The following SLC35F1 variants were observed in gnomAD, a reference collection of about 807,000 sequenced individuals.
The protein encoded by SLC35F1 is solute carrier family 35 member F1, also known as chromosome 6 open reading frame 169.
A neutral mutation model predicts 48.7 loss-of-function variants in SLC35F1; 14 were observed. That is an observed-to-expected ratio of 0.29 (90% CI 0.19 to 0.45). The LOEUF (loss-of-function observed/expected upper bound fraction) is 0.45, where lower values mean the gene tolerates loss of function less well. SLC35F1 is among the 20% of genes least tolerant of loss of function. The pLI is 1.00. For synonymous variants in SLC35F1, 190 were observed against 202.2 expected (o/e 0.94, Z 0.51); for missense variants, 404 against 500.0 (o/e 0.81, Z 1.83).
intron 2 of SLC35F1, among the ~76,000 whole-genome samples, chr6:118,195,674 C>A (rs577359759): frequency 2.6e-5 from 4 of 152,198 alleles, no homozygotes; most frequent in Non-Finnish European, 5.9e-5. Context: ...GGATCCAAGA[C>A]AGTTAATTAC....
chr6:117,918,889 A>T (rs1775861359), intron 1 of SLC35F1, among the ~76,000 whole-genome samples: 1 of 151,866 alleles, frequency 6.6e-6, no homozygotes, highest in African/African-American at 2.4e-5. Context: ...GAATTAAGAT[A>T]ATTTTAAAAT....
chr6:118,262,458 T>C (rs533472299), intron 3 of SLC35F1, among the ~76,000 whole-genome samples: 3 of 152,308 alleles, frequency 2.0e-5, no homozygotes, highest in Non-Finnish European at 2.9e-5. Flanking sequence ...CCTGTACATA[T>C]ACATATTTTT....
chr6:117,995,046 T>C (rs955920267), intron 1 of SLC35F1, among the ~76,000 whole-genome samples: 2 of 152,232 alleles, frequency 1.3e-5, no homozygotes, highest in African/African-American at 4.8e-5. Context: ...TCAACTAATG[T>C]AGGAATCTCC....
intron 1 of SLC35F1, among the ~76,000 whole-genome samples, chr6:118,031,551 C>T (rs1029279527): frequency 6.6e-6 from 1 of 152,134 alleles, no homozygotes; most frequent in Non-Finnish European, 1.5e-5. Context: ...AGGGGAGCCC[C>T]AAAGTGGGGC....
At chr6:118,285,395 T>C (rs1776037233) in intron 7 of SLC35F1, 57 bp downstream of exon 7, 1 of 1,588,590 alleles carries the variant, frequency 6.3e-7, no homozygotes, top group African/African-American at 1.3e-5. Context: ...ACAATGAACA[T>C]GGGTAGGAAT....
At chr6:118,069,724 T>C (rs1772670506) in intron 1 of SLC35F1, among the ~76,000 whole-genome samples, 1 of 152,230 alleles carries the variant, frequency 6.6e-6, no homozygotes, top group South Asian at 2.1e-4. Flanking sequence ...TTCTGAATGA[T>C]TGAAAAATGG....
intron 2 of SLC35F1, among the ~76,000 whole-genome samples, chr6:118,197,963 T>C (rs1468191328): frequency 6.6e-6 from 1 of 152,204 alleles, no homozygotes; most frequent in Non-Finnish European, 1.5e-5. Flanking sequence ...TTTGCAGTTA[T>C]GAAAAATTTA....
chr6:117,978,295 C>G (rs1776729890), intron 1 of SLC35F1, among the ~76,000 whole-genome samples: 1 of 151,950 alleles, frequency 6.6e-6, no homozygotes, highest in Non-Finnish European at 1.5e-5. Flanking sequence ...CTCCCCTGGC[C>G]CCCACCCTCT....
intron 7 of SLC35F1, among the ~76,000 whole-genome samples, chr6:118,309,675 T>A (rs1776351669): frequency 1.3e-5 from 2 of 152,228 alleles, no homozygotes. Context: ...CTTGTATAGA[T>A]TTAAGTCCAT....
intron 2 of SLC35F1, among the ~76,000 whole-genome samples, chr6:118,205,791 T>C (rs1015243178): frequency 1.3e-4 from 20 of 152,228 alleles, no homozygotes; most frequent in African/African-American, 4.3e-4. Context: ...TATTATGGAA[T>C]ATTATTCAGC....
At chr6:118,298,900 C>T (rs984500053) in intron 7 of SLC35F1, among the ~76,000 whole-genome samples, 1 of 152,166 alleles carries the variant, frequency 6.6e-6, no homozygotes, top group African/African-American at 2.4e-5. Flanking sequence ...TTGTGCTGGG[C>T]ATGGTGGCTC....
At chr6:117,964,369 C>T (rs1429883870) in intron 1 of SLC35F1, among the ~76,000 whole-genome samples, 2 of 152,196 alleles carry the variant, frequency 1.3e-5, no homozygotes, top group African/African-American at 2.4e-5. Context: ...ACTCTCACAT[C>T]CAATTTAAAA....
At chr6:118,070,580 C>T (rs1467671280) in intron 1 of SLC35F1, among the ~76,000 whole-genome samples, 1 of 151,806 alleles carries the variant, frequency 6.6e-6, no homozygotes, top group African/African-American at 2.4e-5. Context: ...CCTATTGCAC[C>T]ACATCCTACC....
chr6:118,139,434 A>G (rs1383872693), intron 1 of SLC35F1, among the ~76,000 whole-genome samples: 1 of 152,134 alleles, frequency 6.6e-6, no homozygotes, highest in East Asian at 1.9e-4. Flanking sequence ...TTCTTTATGG[A>G]TAGTTCAAAA....
chr6:118,137,975 C>T (rs1562301569), intron 1 of SLC35F1, among the ~76,000 whole-genome samples: 3 of 152,102 alleles, frequency 2.0e-5, no homozygotes, highest in Non-Finnish European at 4.4e-5. Flanking sequence ...CCCTCAGTTT[C>T]CCTGCCTAAT....
At chr6:118,245,390 G>A (rs1433557623) in intron 3 of SLC35F1, among the ~76,000 whole-genome samples, 1 of 152,158 alleles carries the variant, frequency 6.6e-6, no homozygotes, top group Non-Finnish European at 1.5e-5. Context: ...TTTCCAGGAG[G>A]TTTGTGTGAC....
intron 1 of SLC35F1, 131 bp downstream of exon 1, chr6:117,908,030 C>A: frequency 1.1e-6 from 1 of 889,332 alleles, no homozygotes; most frequent in Non-Finnish European, 1.5e-6. Flanking sequence ...CTGAGGAGAT[C>A]GGGCGACGAC....
intron 7 of SLC35F1, among the ~76,000 whole-genome samples, chr6:118,297,481 G>T (rs1776200887): frequency 6.6e-6 from 1 of 151,830 alleles, no homozygotes; most frequent in Admixed American, 6.6e-5. Context: ...ATTCACTGCG[G>T]AAGTGCTATT....
chr6:118,314,002 A>G, intron 7 of SLC35F1, 26 bp from the exon 8 acceptor site: 1 of 1,610,224 alleles, frequency 6.2e-7, no homozygotes, highest in Non-Finnish European at 8.5e-7. Context: ...TGGCTGTCAA[A>G]TGACTTTACT....
Sources: gnomAD v4.1 joint callset for allele counts (sites outside exome capture counted in the v4.1 genomes callset) on GRCh38, gnomAD v4.1.1 for gene constraint, MANE v1.5 for transcripts, NCBI Gene and HGNC (gene_info 2026-07-23, HGNC 2026-07-21) for gene names.